Variants in ZFAT observed in about 807,000 individuals in gnomAD.
ZFAT encodes the protein zinc finger and AT-hook domain containing, also known as zinc finger protein ZFAT.
In ZFAT, 64 loss-of-function variants were observed where a neutral mutation model predicts 117.7. That is an observed-to-expected ratio of 0.54 (90% confidence interval 0.44 to 0.67). The LOEUF (loss-of-function observed/expected upper bound fraction) is 0.67. Ranked by LOEUF, ZFAT falls within the 30% of genes least tolerant of loss-of-function variation. The pLI is 0.00. For synonymous variants in ZFAT, 679 were observed against 615.0 expected (o/e 1.10, Z -1.54); for missense variants, 1,433 against 1,584.5 (o/e 0.90, Z 1.62).
intron 1 of ZFAT, among the ~76,000 whole-genome samples, chr8:134,680,261 CAAA>C (rs35292754): frequency 6.7e-4 from 33 of 48,916 alleles, no homozygotes; most frequent in African/African-American, 2.3e-3. Context: ...GACTCCCCCT[CAAA>C]AAAAAAAAAA....
the ZFAT span, among the ~76,000 whole-genome samples, chr8:134,726,389 G>GC: frequency 6.6e-6 from 1 of 152,206 alleles, no homozygotes; most frequent in African/African-American, 2.4e-5. Flanking sequence ...GGGAGGGGCT[G>GC]CATGTGCAGT....
chr8:134,662,763 G>A (rs569551877), intron 1 of ZFAT, among the ~76,000 whole-genome samples: 2 of 152,234 alleles, frequency 1.3e-5, no homozygotes, highest in Non-Finnish European at 2.9e-5. Flanking sequence ...GGTCAGCAGG[G>A]AGGCAAGCGT....
At chr8:134,488,845 GGGA>G (rs1210854537) in intron 15 of ZFAT, among the ~76,000 whole-genome samples, 2 of 152,086 alleles carry the variant, frequency 1.3e-5, no homozygotes, top group African/African-American at 4.8e-5. Context: ...TCTGAAGAAT[GGGA>G]GGAGGTGTAA....
the ZFAT span, among the ~76,000 whole-genome samples, chr8:134,779,189 C>A: frequency 2.6e-5 from 4 of 151,924 alleles, no homozygotes; most frequent in Admixed American, 2.0e-4. Context: ...TTGTTTTTTT[C>A]CTCATTCCCC....
intron 10 of ZFAT, among the ~76,000 whole-genome samples, chr8:134,573,156 T>C (rs982928051): frequency 1.3e-5 from 2 of 152,202 alleles, no homozygotes; most frequent in African/African-American, 4.8e-5. Context: ...GTGCTGTTTC[T>C]TCTCCTAAGC....
At chr8:134,766,246 T>C in the ZFAT span, 1 of 152,246 alleles carries the variant, frequency 6.6e-6, no homozygotes, top group Non-Finnish European at 1.5e-5. Flanking sequence ...TCAAATGCTC[T>C]CTAAAATGTG....
chr8:134,561,991 C>T (rs144979024), intron 11 of ZFAT, among the ~76,000 whole-genome samples: 43 of 152,046 alleles, frequency 2.8e-4, no homozygotes, highest in African/African-American at 9.4e-4. Flanking sequence ...AGACTGCAGG[C>T]GGTATTAAGG....
chr8:134,653,462 A>C (rs1470362604), intron 2 of ZFAT, among the ~76,000 whole-genome samples: 3 of 104,928 alleles, frequency 2.9e-5, no homozygotes, highest in African/African-American at 7.6e-5. Context: ...ACAGAGTCCC[A>C]TTATGTTGCA....
At chr8:134,576,753 A>G (rs1825335320) in intron 10 of ZFAT, among the ~76,000 whole-genome samples, 1 of 152,234 alleles carries the variant, frequency 6.6e-6, no homozygotes, top group Non-Finnish European at 1.5e-5. Context: ...CATAAATTGA[A>G]GAAGGGACAG....
chr8:134,486,386 T>C (rs4554425), intron 15 of ZFAT, among the ~76,000 whole-genome samples: 81,532 of 152,018 alleles, frequency 0.54, 22,546 homozygotes, highest in African/African-American at 0.66. Context: ...GACACCTCTG[T>C]CACCGTCGCC....
At chr8:134,656,822 CTA>C (rs1350370753) in intron 2 of ZFAT, among the ~76,000 whole-genome samples, 1 of 152,174 alleles carries the variant, frequency 6.6e-6, no homozygotes, top group Admixed American at 6.5e-5. Context: ...TCCTCATGTG[CTA>C]TATGTTTTCT....
chr8:134,593,003 C>G (rs1022705313), intron 7 of ZFAT, among the ~76,000 whole-genome samples: 4 of 152,194 alleles, frequency 2.6e-5, no homozygotes, highest in Non-Finnish European at 4.4e-5. Flanking sequence ...TGCCACAGAT[C>G]CCCACACAGG....
intron 13 of ZFAT, among the ~76,000 whole-genome samples, chr8:134,516,330 A>G (rs1820249177): frequency 6.6e-6 from 1 of 152,188 alleles, no homozygotes; most frequent in Admixed American, 6.5e-5. Context: ...CTTTCAGGAG[A>G]CACGCTTTGG....
rs541661903 is a variant in ZFAT at position 134,502,700 on chromosome 8, T to C, written c.3492+6919A>G. Among the ~76,000 whole-genome samples, 7 of 152,318 alleles carry C rather than the reference T, an allele frequency of 4.6e-5. No individual in the cohort carries two copies. The East Asian group carries it at 1.4e-3, about 29-fold the overall frequency. ...GGGGTGATTTGGGCAAAGCTGGAGT[T>C]CCTGCTTGGTTTTCTGTTTGTTTCG... is the stretch of plus-strand genomic sequence containing the variant. On this transcript the variant is annotated intron_variant, in intron 15 of 15. Transcript: ENST00000377838.
intron 7 of ZFAT, among the ~76,000 whole-genome samples, chr8:134,592,241 T>G (rs1451723405): frequency 6.6e-6 from 1 of 152,202 alleles, no homozygotes; most frequent in Non-Finnish European, 1.5e-5. Flanking sequence ...CACCGGGCAG[T>G]CTACTCCTAC....
chr8:134,826,659 C>T, the ZFAT span, among the ~76,000 whole-genome samples: 1 of 152,086 alleles, frequency 6.6e-6, no homozygotes, highest in Non-Finnish European at 1.5e-5. Context: ...AGAACAAATG[C>T]CAACAGAGAT....
the ZFAT span, among the ~76,000 whole-genome samples, chr8:134,804,285 C>T: frequency 2.6e-5 from 4 of 152,114 alleles, no homozygotes; most frequent in African/African-American, 9.7e-5. Context: ...GACATGCATA[C>T]CCATTAGCAA....
chr8:134,682,453 C>T (rs1164574284), intron 1 of ZFAT, among the ~76,000 whole-genome samples: 1 of 152,006 alleles, frequency 6.6e-6, no homozygotes, highest in African/African-American at 2.4e-5. Context: ...CTCAGGAGTT[C>T]GAGACCACCT....
the ZFAT span, among the ~76,000 whole-genome samples, chr8:134,759,842 G>A: frequency 6.6e-6 from 1 of 151,900 alleles, no homozygotes; most frequent in East Asian, 1.9e-4. Context: ...GTGATGGCAG[G>A]CACCTGTAAT....
Sources: allele counts gnomAD v4.1 joint callset (sites outside exome capture counted in the v4.1 genomes callset), GRCh38; gene constraint gnomAD v4.1.1; transcripts MANE v1.5; gene names NCBI Gene and HGNC (gene_info 2026-07-23, HGNC 2026-07-21).